The following SIN3A variants were observed in gnomAD, a reference collection of about 807,000 sequenced individuals.
The protein encoded by SIN3A is paired amphipathic helix protein Sin3a.
A neutral mutation model predicts 146.1 loss-of-function variants in SIN3A; 14 were observed. The ratio of observed to expected loss-of-function variants is 0.10; its 90% CI spans 0.06 to 0.15. SIN3A has a LOEUF of 0.15. Ranked by LOEUF, SIN3A falls within the 10% of genes least tolerant of loss-of-function variation. SIN3A has a pLI of 1.00. For synonymous variants in SIN3A, 572 were observed against 572.0 expected (o/e 1.00, Z 0.00); for missense variants, 1,028 against 1,576.0 (o/e 0.65, Z 5.89).
intron 1 of SIN3A, among the ~76,000 whole-genome samples, chr15:75,450,275 G>C (rs1216271468): frequency 6.6e-6 from 1 of 151,946 alleles, no homozygotes; most frequent in Non-Finnish European, 1.5e-5. Context: ...GCCTTGTAAA[G>C]AGGAGGAGCT....
At chr15:75,432,362 G>A (rs4886702) in intron 1 of SIN3A, among the ~76,000 whole-genome samples, 1 of 151,868 alleles carries the variant, frequency 6.6e-6, no homozygotes, top group Admixed American at 6.6e-5. Context: ...TTAACTCATC[G>A]GAGATTAACC....
At chr15:75,429,008 ATTATT>A (rs1422623516) in intron 2 of SIN3A, among the ~76,000 whole-genome samples, 1 of 152,180 alleles carries the variant, frequency 6.6e-6, no homozygotes, top group East Asian at 1.9e-4. Flanking sequence ...TTTCTTCTAG[ATTATT>A]TTAAGAATAT....
intron 1 of SIN3A, chr15:75,446,090 CCT>C (rs756480609): frequency 2.0e-5 from 3 of 152,042 alleles, no homozygotes; most frequent in Non-Finnish European, 4.4e-5. Flanking sequence ...AAATCTCTTC[CCT>C]CAAGAAGCTT....
At chr15:75,448,297 C>A (rs982932748) in intron 1 of SIN3A, 1 of 152,004 alleles carries the variant, frequency 6.6e-6, no homozygotes, top group Non-Finnish European at 1.5e-5. Flanking sequence ...CAGGAGTCTG[C>A]GACCAACCTG....
intron 16 of SIN3A, among the ~76,000 whole-genome samples, chr15:75,385,612 A>G (rs1402301747): frequency 1.3e-5 from 2 of 152,256 alleles, no homozygotes; most frequent in Admixed American, 1.3e-4. Flanking sequence ...AAGAAAGCAA[A>G]ACGTTAATTT....
intron 1 of SIN3A, among the ~76,000 whole-genome samples, chr15:75,438,206 G>A (rs950042643): frequency 7.2e-5 from 11 of 151,968 alleles, no homozygotes; most frequent in African/African-American, 2.2e-4. Flanking sequence ...ACTAAAGCAC[G>A]AAAAACAAAT....
chr15:75,422,584 C>T, intron 3 of SIN3A, 63 bp downstream of exon 3: 2 of 1,557,060 alleles, frequency 1.3e-6, no homozygotes, highest in South Asian at 1.1e-5. Context: ...AACCAACAAG[C>T]TGCAACCAGT....
At chr15:75,451,078 A>C (rs1595936685) in intron 1 of SIN3A, among the ~76,000 whole-genome samples, 1 of 73,150 alleles carries the variant, frequency 1.4e-5, no homozygotes, top group Non-Finnish European at 2.6e-5. Flanking sequence ...GGCCCCGCCC[A>C]CCCCAGGAGG....
Position 75,388,930 on chromosome 15 carries a change from T to A in SIN3A, c.3021+722A>T, listed in dbSNP as rs1395106517. 5 of 152,278 alleles carry A rather than the reference T, an allele frequency of 3.3e-5. No homozygotes were observed. In the East Asian group the frequency reaches 5.8e-4, roughly 18 times the overall value. The allele number at this position is 152,278 out of a possible 1,614,324, so 9.4% of individuals were successfully genotyped here. On this transcript the variant is annotated intron_variant, in intron 16 of 20. Transcript: ENST00000394947. ...TCTCTCTGGGAGTTCAGAACTCAAG[T>A]CCAAGAAGTAGAAATGTGACTATCT...
chr15:75,408,879 TC>T (rs1453708555), intron 8 of SIN3A, among the ~76,000 whole-genome samples: 1 of 152,202 alleles, frequency 6.6e-6, no homozygotes, highest in Non-Finnish European at 1.5e-5. Context: ...TCAAGAATGT[TC>T]TTTCTTAACA....
Position 75,410,454 on chromosome 15 carries a change from G to A in SIN3A, c.1009-168C>T, listed in dbSNP as rs575243792. 3.8e-4 allele frequency among the ~76,000 whole-genome samples: 58 copies of A among 151,934 alleles called. 1 individual carries two copies. The highest frequency in any genetic ancestry group is 1.4e-3 in the African/African-American group (56 of 41,474). ...ACTTTCAAGTTGAGAAAAAAAAAAA[G>A]TTGAAGATGGTGGATGACAATTCCT... On this transcript the variant is annotated intron_variant, in intron 6 of 20. Transcript: ENST00000394947.
intron 1 of SIN3A, among the ~76,000 whole-genome samples, chr15:75,446,020 T>C (rs1234998964): frequency 1.3e-5 from 2 of 152,116 alleles, no homozygotes; most frequent in East Asian, 3.9e-4. Context: ...TTCTCTAATA[T>C]CTACTGAGCA....
At chr15:75,452,459 C>T (rs1287613385), upstream of SIN3A, among the ~76,000 whole-genome samples, 1 of 152,252 alleles carries the variant, frequency 6.6e-6, no homozygotes, top group Non-Finnish European at 1.5e-5. Flanking sequence ...AGAATGAGAA[C>T]TCATCCTTCC....
At chr15:75,395,059 T>C (rs919193263) in intron 13 of SIN3A, among the ~76,000 whole-genome samples, 196 bp from the exon 14 acceptor site, 3 of 152,208 alleles carry the variant, frequency 2.0e-5, no homozygotes, top group African/African-American at 2.4e-5. Flanking sequence ...AAGACTTACT[T>C]TGAGGAAATG....
chr15:75,372,032 C>T lies in SIN3A; in HGVS notation c.3769G>A (p.Val1257Met). 1 of 1,614,200 alleles carries T rather than the reference C, an allele frequency of 6.2e-7. No individual in the cohort carries two copies. Among genetic ancestry groups the T allele is most frequent in the Non-Finnish European group, 8.5e-7 (1 of 1,180,040 alleles). Reference sequence around the variant, plus strand: ...TTGACACGATACTTGTTAATGCTCACAAAATGCAGGGTCTCTGTATCACAG... The same window carrying T: ...TTGACACGATACTTGTTAATGCTCATAAAATGCAGGGTCTCTGTATCACAG... Reference protein sequence around the residue: ...TTCDTETLHFVSINKYRVKYG... With the variant: ...TTCDTETLHFMSINKYRVKYG... Residue 1257 changes from valine (V) to methionine (M), a missense_variant, in exon 21 of 21, where the codon GTG becomes ATG. Coordinates refer to ENST00000394947, the MANE Select transcript of SIN3A (RefSeq NM_001145358.2).
At chr15:75,453,872 G>C (rs1470903667), upstream of SIN3A, 1 of 152,292 alleles carries the variant, frequency 6.6e-6, no homozygotes, top group East Asian at 1.9e-4. Context: ...AAGGCTACTA[G>C]GTCTCGAGCC....
At chr15:75,382,880 C>T (rs1405591129) in intron 17 of SIN3A, among the ~76,000 whole-genome samples, 1 of 152,074 alleles carries the variant, frequency 6.6e-6, no homozygotes, top group Non-Finnish European at 1.5e-5. Context: ...CTCAGGAGTT[C>T]AAGACCAGCC....
chr15:75,430,079 T>A, intron 2 of SIN3A, 108 bp downstream of exon 2: 1 of 782,080 alleles, frequency 1.3e-6, no homozygotes, highest in Non-Finnish European at 2.1e-6. Flanking sequence ...ACCTTACACA[T>A]ACTCAACAAT....
At position 75,380,655 on chromosome 15, in the gene SIN3A, T is replaced by C. The variant is rs770158373; in HGVS notation, c.3357A>G (p.Leu1119=). The C allele has an allele frequency of 1.9e-6, 3 of 1,613,938 alleles. No individual in the cohort carries two copies. Among genetic ancestry groups the C allele is most frequent in the South Asian group, 2.2e-5 (2 of 91,076 alleles). ...TGGGGAGAAATACTGGTTTCTGTGC[T>C]AGATGTTCACGAAGCTCAGGCGAGG... ...DTTSPELREH[L]AQKPVFLPRN... Residue 1119 remains leucine (L), a synonymous_variant, in exon 19 of 21, where the codon CTA becomes CTG. Transcript: ENST00000394947.
Sources: allele counts gnomAD v4.1 joint callset (sites outside exome capture counted in the v4.1 genomes callset), GRCh38; gene constraint gnomAD v4.1.1; transcripts MANE v1.5; gene names NCBI Gene and HGNC (gene_info 2026-07-23, HGNC 2026-07-21).